Variants in ADAMTSL1 observed in about 807,000 individuals in gnomAD.
The protein encoded by ADAMTSL1 is ADAMTS like 1.
In ADAMTSL1, 126 loss-of-function variants were observed where a neutral mutation model predicts 201.8. The observed-to-expected ratio is 0.62, with a 90% CI of 0.54 to 0.72. The LOEUF is 0.72. Among genes scored for constraint, ADAMTSL1 ranks in the 30% least tolerant of loss-of-function variants. ADAMTSL1 has a pLI of 0.00. For synonymous variants in ADAMTSL1, 1,121 were observed against 903.4 expected (o/e 1.24, Z -4.32); for missense variants, 2,679 against 2,277.8 (o/e 1.18, Z -3.59).
intron 1 of ADAMTSL1, among the ~76,000 whole-genome samples, chr9:18,120,471 C>T (rs1302080972): frequency 6.6e-6 from 1 of 152,170 alleles, no homozygotes; most frequent in East Asian, 1.9e-4. Context: ...ACCCTGGAGG[C>T]TGCCTACCAC....
At chr9:18,643,059 G>C (rs2132832461) in intron 7 of ADAMTSL1, among the ~76,000 whole-genome samples, 1 of 152,102 alleles carries the variant, frequency 6.6e-6, no homozygotes, top group African/African-American at 2.4e-5. Flanking sequence ...TAGTATCAAA[G>C]GGTTCCCTTT....
intron 2 of ADAMTSL1, among the ~76,000 whole-genome samples, chr9:18,325,749 T>G (rs1453159449): frequency 1.3e-5 from 2 of 152,028 alleles, no homozygotes; most frequent in Admixed American, 1.3e-4. Context: ...CCTTTGTTTT[T>G]TTTTTTTTTG....
At position 18,794,234 on chromosome 9, in the gene ADAMTSL1, C is replaced by T. The variant is rs76122733; in HGVS notation, c.3678-1163C>T. ...GACCAGCCTGGGCAACTTGGCAAGACCCTATCTTTACGCAAAATTTAAAAA... is the reference window on the plus strand; with the variant it reads ...GACCAGCCTGGGCAACTTGGCAAGATCCTATCTTTACGCAAAATTTAAAAA... On this transcript the variant is annotated intron_variant, in intron 19 of 28. Transcript: ENST00000380548. 3.2e-4 allele frequency among the ~76,000 whole-genome samples: 48 copies of T among 152,032 alleles called. No individual in the cohort carries two copies. In the East Asian group the frequency reaches 6.4e-3, roughly 20 times the overall value.
chr9:18,351,758 G>A (rs1460849652), intron 2 of ADAMTSL1, among the ~76,000 whole-genome samples: 2 of 152,104 alleles, frequency 1.3e-5, no homozygotes, highest in Non-Finnish European at 2.9e-5. Flanking sequence ...TCTATTTATT[G>A]CCCTTTAAAA....
intron 2 of ADAMTSL1, among the ~76,000 whole-genome samples, chr9:18,439,532 A>C (rs2805926): frequency 0.27 from 40,522 of 151,848 alleles, 6,014 homozygotes; most frequent in Non-Finnish European, 0.33. Context: ...ACACCCAGCT[A>C]ATTTTTGTAT....
chr9:18,515,650 C>A (rs183344387), intron 2 of ADAMTSL1, among the ~76,000 whole-genome samples: 29 of 152,178 alleles, frequency 1.9e-4, no homozygotes, highest in Admixed American at 8.5e-4. Flanking sequence ...AAAGAAACTT[C>A]TTTTATGTTA....
intron 2 of ADAMTSL1, among the ~76,000 whole-genome samples, chr9:18,297,751 CT>C (rs1216143697): frequency 6.6e-6 from 1 of 152,166 alleles, no homozygotes; most frequent in African/African-American, 2.4e-5. Flanking sequence ...AACTTGGCTC[CT>C]CTTAACTGAA....
chr9:18,405,081 C>T (rs541072662), intron 2 of ADAMTSL1, among the ~76,000 whole-genome samples: 3 of 152,246 alleles, frequency 2.0e-5, no homozygotes, highest in Admixed American at 6.5e-5. Context: ...ACGTGTTTGT[C>T]TCCCTCCAGC....
intron 1 of ADAMTSL1, among the ~76,000 whole-genome samples, chr9:18,074,736 G>A (rs1479673288): frequency 2.0e-5 from 3 of 151,732 alleles, no homozygotes; most frequent in East Asian, 1.9e-4. Context: ...GATTACAGGC[G>A]CTTGCCACCA....
At chr9:17,974,805 A>T in intron 1 of ADAMTSL1, among the ~76,000 whole-genome samples, 1 of 152,034 alleles carries the variant, frequency 6.6e-6, no homozygotes, top group Non-Finnish European at 1.5e-5. Context: ...TTGTTTCCAT[A>T]TGTTGGCTAT....
At chr9:18,266,524 G>A (rs1462109861) in intron 2 of ADAMTSL1, among the ~76,000 whole-genome samples, 2 of 152,326 alleles carry the variant, frequency 1.3e-5, no homozygotes, top group African/African-American at 2.4e-5. Flanking sequence ...TTGAGTGAGG[G>A]TCAGGCTCTT....
At chr9:18,584,463 G>A (rs1806442447) in intron 4 of ADAMTSL1, among the ~76,000 whole-genome samples, 1 of 152,156 alleles carries the variant, frequency 6.6e-6, no homozygotes, top group African/African-American at 2.4e-5. Context: ...CATGGAAACA[G>A]ACTAATACAT....
chr9:18,873,187 T>A (rs1157719600), intron 23 of ADAMTSL1, among the ~76,000 whole-genome samples: 1 of 152,090 alleles, frequency 6.6e-6, no homozygotes, highest in African/African-American at 2.4e-5. Flanking sequence ...TCCTTATAGA[T>A]TCTGGATATT....
intron 26 of ADAMTSL1, among the ~76,000 whole-genome samples, chr9:18,899,230 C>T (rs1357587937): frequency 6.6e-6 from 1 of 152,092 alleles, no homozygotes; most frequent in Non-Finnish European, 1.5e-5. Flanking sequence ...CCTAGGAATA[C>T]AGCAAACAAG....
chr9:18,807,508 A>G (rs1429326395), intron 20 of ADAMTSL1, among the ~76,000 whole-genome samples: 1 of 152,104 alleles, frequency 6.6e-6, no homozygotes, highest in Non-Finnish European at 1.5e-5. Context: ...AGCCGGGCGC[A>G]GTGGCAGGCG....
intron 1 of ADAMTSL1, among the ~76,000 whole-genome samples, chr9:18,124,051 G>C (rs565823249): frequency 1.5e-5 from 2 of 135,338 alleles, no homozygotes; most frequent in Non-Finnish European, 3.2e-5. Flanking sequence ...ATGATGTTGA[G>C]TATCTTTTTA....
intron 1 of ADAMTSL1, among the ~76,000 whole-genome samples, chr9:17,951,975 A>AT (rs1201568245): frequency 1.3e-5 from 2 of 151,476 alleles, no homozygotes; most frequent in East Asian, 1.9e-4. Flanking sequence ...TAATTTTTTG[A>AT]TTTTTTGTAG....
chr9:18,156,788 G>A (rs1282058387), intron 1 of ADAMTSL1, among the ~76,000 whole-genome samples: 1 of 152,158 alleles, frequency 6.6e-6, no homozygotes, highest in South Asian at 2.1e-4. Flanking sequence ...CATTGTCTAA[G>A]TGTAGGTATG....
At chr9:18,123,651 A>G (rs1825602626) in intron 1 of ADAMTSL1, among the ~76,000 whole-genome samples, 1 of 152,190 alleles carries the variant, frequency 6.6e-6, no homozygotes, top group African/African-American at 2.4e-5. Flanking sequence ...TTGTAAATGT[A>G]TAGGTTCAAT....
Sources: gnomAD v4.1 joint callset for allele counts (sites outside exome capture counted in the v4.1 genomes callset) on GRCh38, gnomAD v4.1.1 for gene constraint, MANE v1.5 for transcripts, NCBI Gene and HGNC (gene_info 2026-07-23, HGNC 2026-07-21) for gene names.